AEN: variants seen among roughly 807,000 people sequenced by gnomAD.
AEN encodes the protein apoptosis-enhancing nuclease.
A neutral mutation model predicts 17.7 loss-of-function variants in AEN; 21 were observed. That is an observed-to-expected ratio of 1.19 (90% confidence interval 0.84 to 1.71). The LOEUF (loss-of-function observed/expected upper bound fraction) is 1.71. Among genes scored for constraint, AEN ranks in the 40% most tolerant of loss-of-function variants. The pLI, the probability that AEN is intolerant of heterozygous loss-of-function variation, is 0.00. For synonymous variants in AEN, 190 were observed against 173.0 expected, an observed-to-expected ratio of 1.10 and a Z score of -0.77; for missense variants, 462 against 435.9, an observed-to-expected ratio of 1.06 and a Z score of -0.53.
the AEN span, among the ~76,000 whole-genome samples, chr15:88,608,628 C>T: frequency 1.3e-5 from 2 of 152,358 alleles, no homozygotes; most frequent in African/African-American, 4.8e-5. Context: ...TGTGGATTCA[C>T]TCTACTCAGC....
chr15:88,621,047 CGACCCA>C (rs943616411), upstream of AEN, among the ~76,000 whole-genome samples: 7 of 152,190 alleles, frequency 4.6e-5, no homozygotes, highest in Middle Eastern at 3.2e-3. Flanking sequence ...GCCCACATCC[CGACCCA>C]GGTAGAGGAG....
chr15:88,617,381 G>A (rs1002925254), upstream of AEN, among the ~76,000 whole-genome samples: 1 of 152,156 alleles, frequency 6.6e-6, no homozygotes, highest in Admixed American at 6.6e-5. Context: ...AGCCTCCTGA[G>A]TAGCTGGGAT....
At chr15:88,616,635 T>C (rs1337733263), upstream of AEN, among the ~76,000 whole-genome samples, 1 of 152,252 alleles carries the variant, frequency 6.6e-6, no homozygotes, top group Non-Finnish European at 1.5e-5. Flanking sequence ...GCAATTTTTT[T>C]ATGATAAATG....
chr15:88,606,153 A>C, the AEN span, among the ~76,000 whole-genome samples: 1 of 152,204 alleles, frequency 6.6e-6, no homozygotes. Context: ...TGTGAGCCCC[A>C]GGCTCTGGTG....
intron 2 of AEN, chr15:88,628,218 T>G (rs142332330): frequency 1.3e-5 from 2 of 152,306 alleles, no homozygotes; most frequent in Non-Finnish European, 1.5e-5. Flanking sequence ...CATGGCTGAC[T>G]TGGGGGGAGG....
upstream of AEN, among the ~76,000 whole-genome samples, chr15:88,619,485 C>T (rs950473408): frequency 2.5e-4 from 38 of 152,074 alleles, no homozygotes; most frequent in African/African-American, 8.9e-4. Context: ...GTCGGGAGTT[C>T]GAGACCAGCC....
At chr15:88,611,841 C>G in the AEN span, 1 of 519,180 alleles carries the variant, frequency 1.9e-6, no homozygotes, top group Admixed American at 2.0e-5. Flanking sequence ...ACAGAGTGGA[C>G]CGGCTGGCCC....
upstream of AEN, among the ~76,000 whole-genome samples, chr15:88,616,720 C>T (rs534141078): frequency 6.6e-6 from 1 of 152,312 alleles, no homozygotes; most frequent in South Asian, 2.1e-4. Flanking sequence ...AAAAGCAATA[C>T]ACATTTAGTA....
chr15:88,618,171 AATC>A (rs1250343499), upstream of AEN, among the ~76,000 whole-genome samples: 1 of 152,072 alleles, frequency 6.6e-6, no homozygotes, highest in Non-Finnish European at 1.5e-5. Context: ...CCCACCCCAA[AATC>A]ATCCTTTTAA....
At chr15:88,618,299 T>G (rs117234445), upstream of AEN, among the ~76,000 whole-genome samples, 1 of 152,234 alleles carries the variant, frequency 6.6e-6, no homozygotes, top group Admixed American at 6.5e-5. Context: ...TAATATATTT[T>G]CATGCTTGGT....
chr15:88,606,461 T>A, the AEN span, among the ~76,000 whole-genome samples: 1 of 152,142 alleles, frequency 6.6e-6, no homozygotes, highest in African/African-American at 2.4e-5. Context: ...GCAAAGATTA[T>A]TGTTTGGCCA....
the AEN span, among the ~76,000 whole-genome samples, chr15:88,606,705 A>T: frequency 6.6e-6 from 1 of 152,162 alleles, no homozygotes; most frequent in African/African-American, 2.4e-5. Flanking sequence ...GCTAGGTGAG[A>T]GGCACATCGA....
rs374840848 is a variant in AEN at position 88,622,205 on chromosome 15, T to G, written c.-65+823T>G. On this transcript the variant is annotated intron_variant, in intron 1 of 3. Coordinates refer to ENST00000332810, the MANE Select transcript of AEN (RefSeq NM_022767.4). Reference sequence around the variant, plus strand: ...GACCCTTTCTTTAGGCCAGACCCCCTCCCTGCCTGAAGGCCGGGTGTCTGA... The same window carrying G: ...GACCCTTTCTTTAGGCCAGACCCCCGCCCTGCCTGAAGGCCGGGTGTCTGA... 2.3e-3 allele frequency among the ~76,000 whole-genome samples: 346 copies of G among 152,136 alleles called. 2 individuals carry two copies. Among genetic ancestry groups the G allele is most frequent in the African/African-American group, 7.9e-3 (328 of 41,462 alleles).
At chr15:88,615,626 C>A in the AEN span, among the ~76,000 whole-genome samples, 4,252 of 152,238 alleles carry the variant, frequency 0.028, 135 homozygotes, top group African/African-American at 0.071. Flanking sequence ...GGCCCCACCC[C>A]CTAATTTTCT....
upstream of AEN, among the ~76,000 whole-genome samples, chr15:88,616,548 G>C (rs1012794101): frequency 1.2e-4 from 19 of 152,136 alleles, 1 homozygote; most frequent in Non-Finnish European, 1.6e-4. Flanking sequence ...AGGGGTATGG[G>C]TATTACCATC....
the AEN span, among the ~76,000 whole-genome samples, chr15:88,613,131 C>G: frequency 1.3e-5 from 2 of 152,118 alleles, no homozygotes; most frequent in Non-Finnish European, 2.9e-5. Context: ...TTAGGGAATG[C>G]TAAAAATGCA....
chr15:88,630,138 A>G lies in AEN; in HGVS notation c.822A>G (p.Glu274=). Residue 274 remains glutamate, a synonymous_variant, in exon 4 of 4, where the codon GAA becomes GAG. Coordinates refer to ENST00000332810, the MANE Select transcript of AEN (RefSeq NM_022767.4). This position sits in a 1 kb window ranked among gnomAD's most constrained non-coding sequence, Gnocchi z 5.1. ...ACCGGCTGGTGGAGGTGCAGTGGGA[A>G]CAGCAGGAGGCCCGCAGCCTCTGGA... ...ELYRLVEVQW[E]QQEARSLWTC... The G allele has an allele frequency of 6.2e-7, 1 of 1,613,804 alleles. No homozygotes were observed. Among genetic ancestry groups the G allele is most frequent in the Non-Finnish European group, 8.5e-7 (1 of 1,180,016 alleles).
chr15:88,632,132 C>T lies in AEN; in HGVS notation c.*1838C>T, dbSNP rs1379767102. The stretch of plus-strand genomic sequence containing the variant: ...TTCTAGATTCCTTAAAAGTCGGTAG[C>T]TGATGTCAAACTCAATTGAGCAGTA... On this transcript the variant is annotated 3_prime_UTR_variant, in exon 4 of 4. Transcript: ENST00000332810. The T allele has an allele frequency of 2.0e-5, 3 of 152,240 alleles. No homozygotes were observed. The highest frequency in any genetic ancestry group is 4.4e-5 in the Non-Finnish European group (3 of 68,056). The allele number at this position is 152,240 out of a possible 1,614,324, so 9.4% of individuals were successfully genotyped here. A position where few individuals can be genotyped will look rare whatever the true frequency, so the allele number is the denominator to read the frequency against.
At chr15:88,611,985 T>A in the AEN span, 1 of 436,842 alleles carries the variant, frequency 2.3e-6, no homozygotes, top group Non-Finnish European at 4.6e-6. Context: ...TCCTTCCACG[T>A]GTTCTTTTTT....
Sources: allele counts gnomAD v4.1 joint callset (sites outside exome capture counted in the v4.1 genomes callset), GRCh38; gene constraint gnomAD v4.1.1; non-coding constraint Gnocchi (gnomAD v3.1); transcripts MANE v1.5; gene names NCBI Gene and HGNC (gene_info 2026-07-23, HGNC 2026-07-21).